MPHOSPH9: variants seen among roughly 807,000 people sequenced by gnomAD.
MPHOSPH9 encodes the protein M-phase phosphoprotein 9.
MPHOSPH9 carries 88 observed loss-of-function variants against 145.5 expected under a neutral mutation model. That is an observed-to-expected ratio of 0.60 (90% CI 0.51 to 0.72). The LOEUF (loss-of-function observed/expected upper bound fraction) is 0.72. Ranked by LOEUF, MPHOSPH9 falls within the 30% of genes least tolerant of loss-of-function variation. The pLI is 0.00. For missense variants in MPHOSPH9, 1,238 were observed against 1,386.6 expected (o/e 0.89, Z 1.70); for synonymous variants, 435 against 486.2 (o/e 0.89, Z 1.39).
At chr12:123,225,809 G>A (rs992186907) in intron 3 of MPHOSPH9, among the ~76,000 whole-genome samples, 2 of 152,266 alleles carry the variant, frequency 1.3e-5, no homozygotes, top group Non-Finnish European at 1.5e-5. Flanking sequence ...GCCAAATCAG[G>A]CAGATTACCT....
chr12:123,180,781 A>G (rs1185015211), intron 14 of MPHOSPH9, among the ~76,000 whole-genome samples: 3 of 152,046 alleles, frequency 2.0e-5, no homozygotes, highest in African/African-American at 4.8e-5. Context: ...GCTAAGGCAG[A>G]AGAATCGCTT....
intron 8 of MPHOSPH9, among the ~76,000 whole-genome samples, chr12:123,207,045 C>G (rs2046465089): frequency 6.7e-6 from 1 of 148,768 alleles, no homozygotes. Flanking sequence ...CAAAAATCCT[C>G]TCTCTAATAA....
intron 13 of MPHOSPH9, among the ~76,000 whole-genome samples, chr12:123,186,505 G>C (rs779309974): frequency 6.6e-6 from 1 of 152,054 alleles, no homozygotes; most frequent in Non-Finnish European, 1.5e-5. Flanking sequence ...TGGGAGGGGA[G>C]AGAAAGGAAA....
chr12:123,203,106 A>G (rs1305727083), intron 9 of MPHOSPH9, 22 bp from the exon 10 acceptor site: 1 of 1,601,272 alleles, frequency 6.2e-7, no homozygotes, highest in African/African-American at 1.3e-5. Context: ...ACAACAACGA[A>G]GTCTTACCCT....
At chr12:123,196,635 T>C (rs2045959998) in intron 12 of MPHOSPH9, among the ~76,000 whole-genome samples, 1 of 152,184 alleles carries the variant, frequency 6.6e-6, no homozygotes, top group South Asian at 2.1e-4. Flanking sequence ...AAAGTAATTT[T>C]AGCATAAAAA....
chr12:123,201,994 A>C (rs1324654346), intron 11 of MPHOSPH9, among the ~76,000 whole-genome samples, 170 bp downstream of exon 11: 1 of 152,194 alleles, frequency 6.6e-6, no homozygotes, highest in African/African-American at 2.4e-5. Context: ...GCTCCACGTC[A>C]GTTATTAGTG....
At chr12:123,219,321 T>C (rs2047099828) in intron 5 of MPHOSPH9, among the ~76,000 whole-genome samples, 1 of 150,364 alleles carries the variant, frequency 6.7e-6, no homozygotes, top group Non-Finnish European at 1.5e-5. Flanking sequence ...GTGACAGGCC[T>C]GGCGCAGTGG....
Position 123,202,765 on chromosome 12 carries a change from ATATCAT to A in MPHOSPH9, c.1634_1639del (p.Asn545_Asp546del). 1 of 1,614,194 alleles carries A rather than the reference ATATCAT, an allele frequency of 6.2e-7. No individual in the cohort carries two copies. The highest frequency in any genetic ancestry group is 2.2e-5 in the East Asian group (1 of 44,878). On this transcript the variant is annotated inframe_deletion, in exon 10 of 24. Coordinates refer to ENST00000606320, the MANE Select transcript of MPHOSPH9 (RefSeq NM_022782.4). Reference sequence around the variant, plus strand: ...TTCTTCATCTACAGTGTTGACCGAGATATCATTACTAGTAATGGTATATACTGACGG... The same window carrying A: ...TTCTTCATCTACAGTGTTGACCGAGATACTAGTAATGGTATATACTGACGG...
chr12:123,193,037 A>G (rs2045760608), intron 13 of MPHOSPH9, among the ~76,000 whole-genome samples: 1 of 141,876 alleles, frequency 7.0e-6, no homozygotes, highest in Non-Finnish European at 1.5e-5. Context: ...ACGCCACTGC[A>G]CTCCAGCCTG....
intron 22 of MPHOSPH9, 125 bp downstream of exon 22, chr12:123,161,011 G>A: frequency 7.4e-7 from 1 of 1,356,892 alleles, no homozygotes; most frequent in Non-Finnish European, 1.0e-6. Flanking sequence ...TCCGTTGCTA[G>A]CACAGCTCTG....
chr12:123,241,369 C>CT (rs929517843), intron 1 of MPHOSPH9, among the ~76,000 whole-genome samples: 22 of 152,058 alleles, frequency 1.4e-4, no homozygotes, highest in African/African-American at 5.3e-4. Context: ...CTCGCTCCTT[C>CT]AGTCTTCGCC....
At chr12:123,185,759 C>T (rs565974429) in intron 13 of MPHOSPH9, among the ~76,000 whole-genome samples, 36 of 151,812 alleles carry the variant, frequency 2.4e-4, no homozygotes, top group Admixed American at 2.4e-3. Flanking sequence ...GAAATGATAA[C>T]AATAAATGCA....
In MPHOSPH9 at chr12:123,156,574, T is replaced by C; in HGVS notation, c.*233A>G. ...TGATATAAATTGGAGACAGATACTA[T>C]TTAAAAATAATGCTTTTTAAATAGT... On this transcript the variant is annotated 3_prime_UTR_variant, in exon 24 of 24. Coordinates refer to ENST00000606320, the MANE Select transcript of MPHOSPH9 (RefSeq NM_022782.4). The C allele has an allele frequency of 3.0e-6, 1 of 335,542 alleles. No individual in the cohort carries two copies. The highest frequency in any genetic ancestry group is 9.5e-5 in the South Asian group (1 of 10,502). The allele number at this position is 335,542 out of a possible 1,614,324, so 20.8% of individuals were successfully genotyped here.
Position 123,159,188 on chromosome 12 carries a change from G to A in MPHOSPH9, c.3450+1593C>T, listed in dbSNP as rs1027038779. On this transcript the variant is annotated intron_variant, in intron 23 of 23. Transcript: ENST00000606320. This position sits in a 1 kb window ranked among gnomAD's most constrained non-coding sequence, Gnocchi z 4.3. Reference sequence around the variant, plus strand: ...TTTTTTATTATTCTTTTTCAGAGACGGAGTCTTGCTCTGTCACCCAGGCCG... The same window carrying A: ...TTTTTTATTATTCTTTTTCAGAGACAGAGTCTTGCTCTGTCACCCAGGCCG... 4.6e-5 allele frequency among the ~76,000 whole-genome samples: 7 copies of A among 152,008 alleles called. No homozygotes were observed. The highest frequency in any genetic ancestry group is 7.2e-5 in the African/African-American group (3 of 41,386).
rs914841575 is a variant in MPHOSPH9 at position 123,154,615 on chromosome 12, C to G, written c.*2192G>C. ...AAGATAATTCCTTGGCAAGATAAAA[C>G]TATCATCTCTTCTGAAATGGCATTT... is the stretch of plus-strand genomic sequence containing the variant. On this transcript the variant is annotated 3_prime_UTR_variant, in exon 24 of 24. Transcript: ENST00000606320. 1.3e-5 allele frequency: 2 copies of G among 152,096 alleles called. No homozygotes were observed. Among genetic ancestry groups the G allele is most frequent in the African/African-American group, 2.4e-5 (1 of 41,410 alleles). 9.4% of individuals were successfully genotyped at this position (152,096 alleles called of 1,614,324 possible). A position where few individuals can be genotyped will look rare whatever the true frequency, so the allele number is the denominator to read the frequency against.
chr12:123,242,425 G>A (rs1284770920), intron 1 of MPHOSPH9, among the ~76,000 whole-genome samples: 1 of 152,008 alleles, frequency 6.6e-6, no homozygotes, highest in Non-Finnish European at 1.5e-5. Context: ...TGCTTTTATT[G>A]TTCCCTAAAG....
At chr12:123,197,864 A>T (rs1338536263) in intron 12 of MPHOSPH9, among the ~76,000 whole-genome samples, 1 of 151,778 alleles carries the variant, frequency 6.6e-6, no homozygotes, top group African/African-American at 2.4e-5. Flanking sequence ...CAGGAGGATC[A>T]CAAGGTCAGG....
intron 12 of MPHOSPH9, among the ~76,000 whole-genome samples, chr12:123,197,781 CAAAAAAAAGA>C (rs1208046680): frequency 8.5e-6 from 1 of 117,840 alleles, no homozygotes; most frequent in Non-Finnish European, 1.7e-5. Context: ...GACTCCATCT[CAAAAAAAAGA>C]AAAAAAAAAA....
At position 123,221,301 on chromosome 12, in the gene MPHOSPH9, A is replaced by G. The variant is rs115960850; in HGVS notation, c.872+71T>C. 4.7e-4 allele frequency: 550 copies of G among 1,180,972 alleles called. 3 individuals are homozygous for G. The African/African-American group carries it at 7.4e-3, about 16-fold the overall frequency. 73.2% of individuals were successfully genotyped at this position (1,180,972 alleles called of 1,614,324 possible). A position where few individuals can be genotyped will look rare whatever the true frequency, so the allele number is the denominator to read the frequency against. On this transcript the variant is annotated intron_variant, in intron 5 of 23. Transcript: ENST00000606320. ...ATGTTCAAATACATCTCATTCTATT[A>G]TAGTGCATTAAAAGGAACACTAGAT... is the stretch of plus-strand genomic sequence containing the variant.
Sources: allele counts gnomAD v4.1 joint callset (sites outside exome capture counted in the v4.1 genomes callset), GRCh38; gene constraint gnomAD v4.1.1; non-coding constraint Gnocchi (gnomAD v3.1); transcripts MANE v1.5; gene names NCBI Gene and HGNC (gene_info 2026-07-23, HGNC 2026-07-21).